The following PALD1 variants were observed in gnomAD, a reference collection of about 807,000 sequenced individuals.
The protein encoded by PALD1 is paladin.
PALD1 carries 57 observed loss-of-function variants against 96.0 expected under a neutral mutation model. The ratio of observed to expected loss-of-function variants is 0.59; its 90% CI spans 0.48 to 0.74. PALD1 has a LOEUF of 0.74. Ranked by LOEUF, PALD1 falls within the 30% of genes least tolerant of loss-of-function variation. The pLI is 0.00. For synonymous variants in PALD1, 464 were observed against 473.6 expected, an observed-to-expected ratio of 0.98 and a Z score of 0.26; for missense variants, 1,063 against 1,143.7, an observed-to-expected ratio of 0.93 and a Z score of 1.02.
chr10:70,487,278 C>T (rs1375913789), intron 1 of PALD1, among the ~76,000 whole-genome samples: 8 of 145,964 alleles, frequency 5.5e-5, no homozygotes, highest in South Asian at 2.3e-4. Context: ...GGACTACAGG[C>T]GCCCGCCACC....
intron 18 of PALD1, among the ~76,000 whole-genome samples, chr10:70,554,907 C>CT: frequency 1.2e-5 from 1 of 82,734 alleles, no homozygotes; most frequent in Non-Finnish European, 2.5e-5. Flanking sequence ...TGAGCCTCCC[C>CT]TCCCCTCTCC....
chr10:70,503,581 C>T (rs906331391), intron 1 of PALD1, among the ~76,000 whole-genome samples: 9 of 152,102 alleles, frequency 5.9e-5, no homozygotes, highest in Non-Finnish European at 1.2e-4. Context: ...CTGTGGTGAG[C>T]CTATATCACG....
intron 1 of PALD1, among the ~76,000 whole-genome samples, chr10:70,521,151 G>A (rs1017067968): frequency 6.6e-6 from 1 of 152,188 alleles, no homozygotes; most frequent in Non-Finnish European, 1.5e-5. Context: ...CCCTGACTGT[G>A]TATTGGAAGC....
At chr10:70,509,184 C>T (rs1351230989) in intron 1 of PALD1, among the ~76,000 whole-genome samples, 3 of 152,176 alleles carry the variant, frequency 2.0e-5, no homozygotes, top group Non-Finnish European at 4.4e-5. Context: ...TCTTTGCCCC[C>T]TGCCGGTCCC....
chr10:70,482,543 G>A (rs1845950986), intron 1 of PALD1, among the ~76,000 whole-genome samples: 1 of 152,202 alleles, frequency 6.6e-6, no homozygotes, highest in African/African-American at 2.4e-5. Context: ...CGGGGAAAGA[G>A]AAGGTCTGGA....
intron 1 of PALD1, among the ~76,000 whole-genome samples, chr10:70,483,372 G>A (rs1845966440): frequency 6.6e-6 from 1 of 152,198 alleles, no homozygotes; most frequent in African/African-American, 2.4e-5. Flanking sequence ...AGAGAGGCAG[G>A]TGGGGTGTCT....
Position 70,505,741 on chromosome 10 carries a change from C to A in PALD1, c.-29-20182C>A, listed in dbSNP as rs371430337. Among the ~76,000 whole-genome samples, 113 of 152,288 alleles carry A rather than the reference C, an allele frequency of 7.4e-4. 2 individuals carry two copies. In the South Asian group the frequency reaches 0.023, roughly 31 times the overall value. ...TGTCAAGTAAAAATGTTGTTCCCGGCCAGGTGCAGTGGCTCACGTCTGTAG... is the reference window on the plus strand; with the variant it reads ...TGTCAAGTAAAAATGTTGTTCCCGGACAGGTGCAGTGGCTCACGTCTGTAG... On this transcript the variant is annotated intron_variant, in intron 1 of 19. Transcript: ENST00000263563.
the PALD1 span, among the ~76,000 whole-genome samples, chr10:70,470,518 GATTT>G: frequency 1.1e-5 from 1 of 94,520 alleles, no homozygotes; most frequent in Non-Finnish European, 2.3e-5. Flanking sequence ...CTATAAGTGT[GATTT>G]ATTATTTTTT....
At chr10:70,538,026 G>T in intron 11 of PALD1, 120 bp downstream of exon 11, 1 of 827,208 alleles carries the variant, frequency 1.2e-6, no homozygotes, top group Non-Finnish European at 2.0e-6. Flanking sequence ...GGGAAGGGAG[G>T]CCAGGAGAGA....
chr10:70,545,671 C>T (rs1847347494), intron 17 of PALD1, among the ~76,000 whole-genome samples: 1 of 151,996 alleles, frequency 6.6e-6, no homozygotes, highest in African/African-American at 2.4e-5. Flanking sequence ...CTTCTGGCCT[C>T]AAGCGATCTC....
At chr10:70,559,797 T>C (rs1382061137) in intron 18 of PALD1, among the ~76,000 whole-genome samples, 1 of 152,090 alleles carries the variant, frequency 6.6e-6, no homozygotes, top group Non-Finnish European at 1.5e-5. Context: ...CTTTGTGGGT[T>C]TGGGCTGCCT....
chr10:70,487,826 T>C (rs1211673491), intron 1 of PALD1, among the ~76,000 whole-genome samples: 2 of 152,206 alleles, frequency 1.3e-5, no homozygotes, highest in African/African-American at 4.8e-5. Flanking sequence ...CCTAGACAAG[T>C]CTGACAACAC....
At chr10:70,497,855 G>A (rs547013714) in intron 1 of PALD1, among the ~76,000 whole-genome samples, 10 of 152,274 alleles carry the variant, frequency 6.6e-5, no homozygotes, top group South Asian at 6.2e-4. Context: ...GATTATAGGC[G>A]GGAGCCATGT....
At position 70,534,540 on chromosome 10, in the gene PALD1, C is replaced by T. The variant is rs1343199073; in HGVS notation, c.1122+16C>T. The T allele has an allele frequency of 1.9e-6, 3 of 1,581,402 alleles. No individual in the cohort carries two copies. The highest frequency in any genetic ancestry group is 2.6e-6 in the Non-Finnish European group (3 of 1,153,474). ...GGTGGAAGAGGTGAGTGAGGGACAGCAAAGGGCTGGGGCAGGGGTGGTGGA... is the reference window on the plus strand; with the variant it reads ...GGTGGAAGAGGTGAGTGAGGGACAGTAAAGGGCTGGGGCAGGGGTGGTGGA... On this transcript the variant is annotated intron_variant, in intron 9 of 19. Coordinates refer to ENST00000263563, the MANE Select transcript of PALD1 (RefSeq NM_014431.3).
At chr10:70,493,662 A>C (rs984968782) in intron 1 of PALD1, among the ~76,000 whole-genome samples, 1 of 152,190 alleles carries the variant, frequency 6.6e-6, no homozygotes. Context: ...CTAGGTGTTC[A>C]GGCCAAACAC....
intron 1 of PALD1, among the ~76,000 whole-genome samples, chr10:70,487,017 G>T (rs1411627365): frequency 6.6e-6 from 1 of 152,132 alleles, no homozygotes; most frequent in Non-Finnish European, 1.5e-5. Context: ...TGCCCTTTGG[G>T]GAGCCCTCTG....
At chr10:70,545,445 C>T (rs1847342833) in intron 17 of PALD1, among the ~76,000 whole-genome samples, 1 of 151,836 alleles carries the variant, frequency 6.6e-6, no homozygotes, top group African/African-American at 2.4e-5. Flanking sequence ...GGGTCTGGAT[C>T]AGGTGCCAGC....
At chr10:70,551,953 C>T (rs188182055) in intron 18 of PALD1, among the ~76,000 whole-genome samples, 4 of 152,352 alleles carry the variant, frequency 2.6e-5, no homozygotes, top group Admixed American at 6.5e-5. Flanking sequence ...TACTTTTGCC[C>T]GTTTCCTTCT....
Position 70,539,751 on chromosome 10 carries a change from C to A in PALD1, c.1897C>A (p.Pro633Thr). Reference protein sequence around the residue: ...HRIPMPDFCAPREEDFDQLLE... With the variant: ...HRIPMPDFCATREEDFDQLLE... ...CATCCCCATGCCGGACTTCTGTGCC[C>A]CCCGAGAGGAGGTGAGGGTGCTGCT... is the stretch of plus-strand genomic sequence containing the variant. Residue 633 changes from proline (P) to threonine (T), a missense_variant, in exon 15 of 20, where the codon CCC becomes ACC. Transcript: ENST00000263563. This position sits in a 1 kb window ranked among gnomAD's most constrained non-coding sequence, Gnocchi z 4.5. The A allele has an allele frequency of 6.2e-7, 1 of 1,610,120 alleles. No individual in the cohort carries two copies. The highest frequency in any genetic ancestry group is 8.5e-7 in the Non-Finnish European group (1 of 1,179,004).
Sources: allele counts gnomAD v4.1 joint callset (sites outside exome capture counted in the v4.1 genomes callset), GRCh38; gene constraint gnomAD v4.1.1; non-coding constraint Gnocchi (gnomAD v3.1); transcripts MANE v1.5; gene names NCBI Gene and HGNC (gene_info 2026-07-23, HGNC 2026-07-21).